TMIGD3: variants seen among roughly 807,000 people sequenced by gnomAD.
TMIGD3 encodes the protein AD026 protein (AD026).
In TMIGD3, 21 loss-of-function variants were observed where a neutral mutation model predicts 28.1. That is an observed-to-expected ratio of 0.75 (90% CI 0.53 to 1.08). The LOEUF (loss-of-function observed/expected upper bound fraction) is 1.08. Ranked by LOEUF, TMIGD3 falls within the 50% of genes least tolerant of loss-of-function variation. The probability of loss-of-function intolerance (pLI) is 0.00; values close to 1 mark genes in which losing one functional copy is unlikely to be tolerated. For missense variants in TMIGD3, 416 were observed against 435.6 expected, an observed-to-expected ratio of 0.96 and a Z score of 0.40; for synonymous variants, 151 against 162.1, an observed-to-expected ratio of 0.93 and a Z score of 0.52.
At chr1:111,485,921 A>T in intron 4 of TMIGD3, 81 bp from the exon 5 acceptor site, 1 of 1,121,194 alleles carries the variant, frequency 8.9e-7, no homozygotes, top group Non-Finnish European at 1.3e-6. Flanking sequence ...TTTTTCTGGG[A>T]TTTGCACCCC....
chr1:111,540,207 C>A (rs1656772920), intron 1 of TMIGD3, among the ~76,000 whole-genome samples: 2 of 152,172 alleles, frequency 1.3e-5, no homozygotes, highest in South Asian at 4.1e-4. Flanking sequence ...CTGGGGTAAA[C>A]CGTAAGAGAC....
intron 1 of TMIGD3, chr1:111,500,674 C>CTCTTCTT (rs1655129178): frequency 1.0e-6 from 1 of 991,586 alleles, no homozygotes; most frequent in African/African-American, 1.6e-5. Flanking sequence ...CTTAATTCTC[C>CTCTTCTT]AATCTTCTGC....
chr1:111,545,185 T>C (rs1032934170), intron 1 of TMIGD3, among the ~76,000 whole-genome samples: 3 of 152,110 alleles, frequency 2.0e-5, no homozygotes, highest in South Asian at 4.1e-4. Context: ...ATTTTCAACT[T>C]TTTGAGGAGC....
At chr1:111,555,181 C>T (rs1036985506) in intron 1 of TMIGD3, among the ~76,000 whole-genome samples, 17 of 151,648 alleles carry the variant, frequency 1.1e-4, no homozygotes, top group Non-Finnish European at 2.4e-4. Flanking sequence ...GCCTGGCCAA[C>T]GTGACAAGAC....
At chr1:111,490,579 T>C (rs904810672) in intron 2 of TMIGD3, 77 bp downstream of exon 2, 4 of 1,061,710 alleles carry the variant, frequency 3.8e-6, no homozygotes, top group Non-Finnish European at 5.8e-6. Flanking sequence ...GGACTCCAAG[T>C]AGGTGAGGAC....
At chr1:111,507,867 T>G (rs1269514172), upstream of TMIGD3, among the ~76,000 whole-genome samples, 2 of 152,224 alleles carry the variant, frequency 1.3e-5, no homozygotes, top group African/African-American at 4.8e-5. Flanking sequence ...AAGGTGGCGC[T>G]TCCTAGGCCC....
chr1:111,499,618 C>T (rs988287288), intron 1 of TMIGD3: 7 of 1,109,960 alleles, frequency 6.3e-6, no homozygotes, highest in Non-Finnish European at 7.7e-6. Flanking sequence ...CCAACTGGAG[C>T]CTTTTGTCAG....
At chr1:111,497,455 C>T (rs1654943882) in intron 1 of TMIGD3, among the ~76,000 whole-genome samples, 1 of 152,126 alleles carries the variant, frequency 6.6e-6, no homozygotes, top group African/African-American at 2.4e-5. Flanking sequence ...GGATCTTGTC[C>T]CTTCTAACCA....
chr1:111,485,882 C>T lies in TMIGD3; in HGVS notation c.873-42G>A, dbSNP rs770568387. The T allele has an allele frequency of 6.0e-6, 9 of 1,494,428 alleles. No homozygotes were observed. In the South Asian group the frequency reaches 1.1e-4, roughly 18 times the overall value. The allele number at this position is 1,494,428 out of a possible 1,614,324, so 92.6% of individuals were successfully genotyped here. A position where few individuals can be genotyped will look rare whatever the true frequency, so the allele number is the denominator to read the frequency against. On this transcript the variant is annotated intron_variant, in intron 4 of 5. Transcript: ENST00000369716. The stretch of plus-strand genomic sequence containing the variant: ...CAGATTTCATGTTGCTTGGAAGAAA[C>T]TGCCTATTGATTCTCAGCTCTGGAT...
chr1:111,503,070 G>A lies in TMIGD3; in HGVS notation c.285C>T (p.His95=), dbSNP rs374838395. 5.5e-5 allele frequency: 88 copies of A among 1,614,112 alleles called. No individual in the cohort carries two copies. The highest frequency in any genetic ancestry group is 5.1e-4 in the African/African-American group (38 of 74,924). ...FMTCLLLIFT[H]ASIMSLLAIA... is the part of the protein sequence containing the mutation. ...TGGCCAGCAAGGACATGATGGAGGC[G>A]TGGGTAAAGATAAGCAGTAGGCAAG... is the stretch of plus-strand genomic sequence containing the variant. The change falls in exon 1 of 6, where the codon CAC becomes CAT. Residue 95 remains histidine (H), a synonymous_variant. Transcript: ENST00000369716.
At chr1:111,560,039 T>C (rs368979867) in intron 1 of TMIGD3, among the ~76,000 whole-genome samples, 1 of 152,174 alleles carries the variant, frequency 6.6e-6, no homozygotes, top group Non-Finnish European at 1.5e-5. Flanking sequence ...AGTAGGCAAT[T>C]TTTTTCATTC....
intron 1 of TMIGD3, among the ~76,000 whole-genome samples, chr1:111,493,765 G>C (rs1654767900): frequency 6.6e-6 from 1 of 152,186 alleles, no homozygotes; most frequent in Non-Finnish European, 1.5e-5. Context: ...ACAGCTAGTA[G>C]AGCCACTATG....
At chr1:111,525,961 A>T (rs1378178991) in intron 1 of TMIGD3, among the ~76,000 whole-genome samples, 2 of 152,204 alleles carry the variant, frequency 1.3e-5, no homozygotes, top group East Asian at 1.9e-4. Context: ...CTGCCTTTTA[A>T]TTAGATTTAA....
rs1308010386 is a variant in TMIGD3 at position 111,485,814 on chromosome 1, AG to A, written c.898del (p.Leu300Ter). ...AGAGATGATTCCCAAACCCGTGATC[AG>A]TATGCAAATGATGAGAATGGACGTC... is the stretch of plus-strand genomic sequence containing the variant. ...SRTSILIICI[L>X]ITGLGIISVI... On this transcript the variant is annotated frameshift_variant, in exon 5 of 6. Transcript: ENST00000369716. LOFTEE classifies it high-confidence loss of function. 6.2e-7 allele frequency: 1 copy of A among 1,611,828 alleles called. No homozygotes were observed. Among genetic ancestry groups the A allele is most frequent in the Non-Finnish European group, 8.5e-7 (1 of 1,179,486 alleles).
rs931495460 is a variant in TMIGD3 at position 111,540,656 on chromosome 1, C to T, written c.107+23190G>A. 7.2e-5 allele frequency among the ~76,000 whole-genome samples: 11 copies of T among 152,208 alleles called. 1 individual carries two copies. The highest frequency in any genetic ancestry group is 2.6e-4 in the Admixed American group (4 of 15,282). On this transcript the variant is annotated intron_variant, in intron 1 of 5. Coordinates refer to the TMIGD3 transcript ENST00000369717. ...GCAAACTTCATGCTCCAGCATGAGA[C>T]ACAAAGACAACAGCCTCACAGAGAC...
intron 2 of TMIGD3, chr1:111,489,681 T>C: frequency 9.2e-7 from 1 of 1,084,428 alleles, no homozygotes; most frequent in Middle Eastern, 2.6e-4. Context: ...GGAGGCCCTC[T>C]GTCCCTAGCT....
At chr1:111,547,161 C>CT (rs1216925644) in intron 1 of TMIGD3, among the ~76,000 whole-genome samples, 3 of 151,784 alleles carry the variant, frequency 2.0e-5, no homozygotes, top group South Asian at 2.1e-4. Context: ...TAGTAATTTT[C>CT]TTTTTTTTCA....
intron 1 of TMIGD3, among the ~76,000 whole-genome samples, chr1:111,540,303 C>T (rs1023970003): frequency 6.6e-6 from 1 of 152,220 alleles, no homozygotes; most frequent in African/African-American, 2.4e-5. Context: ...GCACTAGGCA[C>T]CAATGCAGCT....
chr1:111,483,887 G>A (rs1339110259), intron 5 of TMIGD3, 130 bp from the exon 6 acceptor site: 4 of 702,296 alleles, frequency 5.7e-6, no homozygotes, highest in Non-Finnish European at 1.0e-5. Context: ...TTTATTTTCA[G>A]GGCTGAGATC....
Sources: allele counts gnomAD v4.1 joint callset (sites outside exome capture counted in the v4.1 genomes callset), GRCh38; gene constraint gnomAD v4.1.1; transcripts MANE v1.5; gene names NCBI Gene and HGNC (gene_info 2026-07-23, HGNC 2026-07-21).